EML1: variants seen among roughly 807,000 people sequenced by gnomAD.
EML1 encodes echinoderm microtubule-associated protein-like 1.
In EML1, 27 loss-of-function variants were observed where a neutral mutation model predicts 110.4. That is an observed-to-expected ratio of 0.24 (90% CI 0.18 to 0.34). EML1 has a LOEUF of 0.34. Ranked by LOEUF, EML1 falls within the 10% of genes least tolerant of loss-of-function variation. The pLI is 1.00. For missense variants in EML1, 741 were observed against 1,030.9 expected (o/e 0.72, Z 3.85); for synonymous variants, 344 against 385.8 (o/e 0.89, Z 1.27).
At chr14:99,874,917 C>T (rs2059264094) in intron 3 of EML1, 5 of 1,605,536 alleles carry the variant, frequency 3.1e-6, no homozygotes, top group Non-Finnish European at 4.2e-6. Context: ...TATTTCTGTG[C>T]CTCTTATATG....
chr14:99,883,807 C>A (rs539224957), intron 4 of EML1, among the ~76,000 whole-genome samples: 2 of 152,302 alleles, frequency 1.3e-5, no homozygotes, highest in African/African-American at 4.8e-5. Flanking sequence ...ATGTTTCCAG[C>A]CCGAAGTACT....
intron 1 of EML1, among the ~76,000 whole-genome samples, chr14:99,833,072 T>A (rs1194846606): frequency 2.0e-5 from 3 of 152,212 alleles, no homozygotes; most frequent in African/African-American, 7.2e-5. Flanking sequence ...ATCTACAAGA[T>A]CTTTGCCTAA....
At chr14:99,927,409 G>T (rs2060254543) in intron 17 of EML1, among the ~76,000 whole-genome samples, 1 of 152,122 alleles carries the variant, frequency 6.6e-6, no homozygotes, top group Admixed American at 6.5e-5. Context: ...AGTGATTGCT[G>T]GATATCGAGG....
At chr14:99,839,151 C>G (rs2058593780) in intron 1 of EML1, 3 of 152,002 alleles carry the variant, frequency 2.0e-5, no homozygotes, top group Admixed American at 6.6e-5. Flanking sequence ...TCTTATTTTT[C>G]CTCTTTTGTT....
chr14:99,921,393 G>A (rs2060128511), intron 17 of EML1, among the ~76,000 whole-genome samples: 1 of 152,162 alleles, frequency 6.6e-6, no homozygotes, highest in South Asian at 2.1e-4. Flanking sequence ...ACAGAATTGA[G>A]ATTCTGTGTC....
intron 3 of EML1, among the ~76,000 whole-genome samples, chr14:99,868,956 C>G (rs1056044840): frequency 2.6e-5 from 4 of 152,164 alleles, no homozygotes; most frequent in Non-Finnish European, 1.5e-5. Context: ...AGACTTCCCT[C>G]TTAGTACCCC....
At chr14:99,890,787 G>C (rs1467739481) in intron 4 of EML1, among the ~76,000 whole-genome samples, 1 of 152,136 alleles carries the variant, frequency 6.6e-6, no homozygotes, top group African/African-American at 2.4e-5. Flanking sequence ...GCTCTAAAAG[G>C]CCTCACCAAA....
At chr14:99,913,866 T>C (rs1254492791) in intron 13 of EML1, among the ~76,000 whole-genome samples, 2 of 151,914 alleles carry the variant, frequency 1.3e-5, no homozygotes, top group African/African-American at 4.8e-5. Context: ...ATTTTTGTAT[T>C]TTTAGTAGAG....
intron 3 of EML1, among the ~76,000 whole-genome samples, chr14:99,877,014 CTCTG>C (rs1194924046): frequency 6.6e-6 from 1 of 152,136 alleles, no homozygotes; most frequent in Non-Finnish European, 1.5e-5. Flanking sequence ...GAGTTATGTG[CTCTG>C]TCTTAGTGAG....
chr14:99,925,003 A>G (rs1393813680), intron 17 of EML1, among the ~76,000 whole-genome samples: 3 of 152,258 alleles, frequency 2.0e-5, no homozygotes, highest in Non-Finnish European at 4.4e-5. Context: ...TTTTGCCTCC[A>G]TGTTTCTAAC....
chr14:99,785,615 G>A (rs2057590317), intron 1 of EML1, among the ~76,000 whole-genome samples: 1 of 152,154 alleles, frequency 6.6e-6, no homozygotes, highest in Admixed American at 6.5e-5. Flanking sequence ...TGATACGTTT[G>A]ATATTAATAT....
chr14:99,847,352 T>TTTTG (rs942174441), intron 1 of EML1, among the ~76,000 whole-genome samples: 1 of 152,158 alleles, frequency 6.6e-6, no homozygotes, highest in Non-Finnish European at 1.5e-5. Context: ...TGTACTGGTT[T>TTTTG]TTTGTTTGTT....
At chr14:99,761,431 C>G (rs1436991693) in intron 1 of EML1, among the ~76,000 whole-genome samples, 1 of 152,098 alleles carries the variant, frequency 6.6e-6, no homozygotes, top group South Asian at 2.1e-4. Flanking sequence ...CAGACACAGA[C>G]CAGGGTTGCT....
At position 99,941,996 on chromosome 14, in the gene EML1, T is replaced by C. The variant is rs2060597043; in HGVS notation, c.*1884T>C. 6.6e-6 allele frequency: 1 copy of C among 152,250 alleles called. No individual in the cohort carries two copies. Among genetic ancestry groups the C allele is most frequent in the Non-Finnish European group, 1.5e-5 (1 of 68,042 alleles). 9.4% of individuals were successfully genotyped at this position (152,250 alleles called of 1,614,324 possible). A position where few individuals can be genotyped will look rare whatever the true frequency, so the allele number is the denominator to read the frequency against. ...TGTTATATATATATGTAAACTACTA[T>C]TGCTCTCTTTATAATGATTAATCAC... On this transcript the variant is annotated 3_prime_UTR_variant, in exon 22 of 22. Coordinates refer to ENST00000262233, the MANE Select transcript of EML1 (RefSeq NM_004434.3).
intron 1 of EML1, among the ~76,000 whole-genome samples, chr14:99,834,372 G>A (rs201034086): frequency 2.0e-5 from 3 of 151,058 alleles, no homozygotes; most frequent in East Asian, 3.9e-4. Context: ...GTGCAGTCTC[G>A]GCTCACTGCA....
rs1452323064 is a variant in EML1 at position 99,784,056 on chromosome 14, C to T, written c.-27+10043C>T. Reference sequence around the variant, plus strand: ...CTATTGCATGAATTAGAGACAATCACAACATCAAGTTTCCTAAATGTAAGG... The same window carrying T: ...CTATTGCATGAATTAGAGACAATCATAACATCAAGTTTCCTAAATGTAAGG... On this transcript the variant is annotated intron_variant, in intron 1 of 22. Coordinates refer to the EML1 transcript ENST00000327921. This position sits in a 1 kb window ranked among gnomAD's most constrained non-coding sequence, Gnocchi z 4.5. 1.3e-5 allele frequency among the ~76,000 whole-genome samples: 2 copies of T among 152,182 alleles called. No individual in the cohort carries two copies. The highest frequency in any genetic ancestry group is 1.3e-4 in the Admixed American group (2 of 15,286).
At chr14:99,892,097 A>G (rs78728989) in intron 5 of EML1, 12,706 of 978,892 alleles carry the variant, frequency 0.013, 80 homozygotes, top group Non-Finnish European at 0.014. Context: ...CGGGGCAGGC[A>G]GGCCAGCCAC....
chr14:99,845,417 C>T (rs1000405881), intron 1 of EML1, among the ~76,000 whole-genome samples: 2 of 151,926 alleles, frequency 1.3e-5, no homozygotes, highest in African/African-American at 4.8e-5. Flanking sequence ...ATTTCTCATT[C>T]AATAGAGAGA....
chr14:99,739,306 C>T (rs778217037), intron 1 of EML1, among the ~76,000 whole-genome samples: 12 of 152,190 alleles, frequency 7.9e-5, no homozygotes, highest in Non-Finnish European at 1.0e-4. Flanking sequence ...CCACACCTGA[C>T]GCTAACCCGG....
Sources: allele counts gnomAD v4.1 joint callset (sites outside exome capture counted in the v4.1 genomes callset), GRCh38; gene constraint gnomAD v4.1.1; non-coding constraint Gnocchi (gnomAD v3.1); transcripts MANE v1.5; gene names NCBI Gene and HGNC (gene_info 2026-07-23, HGNC 2026-07-21).